Variants in RARB observed in about 807,000 individuals in gnomAD.
The protein encoded by RARB is HBV-activated protein.
RARB carries 17 observed loss-of-function variants against 51.9 expected under a neutral mutation model. That is an observed-to-expected ratio of 0.33 (90% CI 0.22 to 0.49). RARB has a LOEUF of 0.49. RARB is among the 20% of genes least tolerant of loss of function. The pLI is 0.99. For missense variants in RARB, 369 were observed against 550.8 expected (o/e 0.67, Z 3.30); for synonymous variants, 215 against 195.4 (o/e 1.10, Z -0.84).
intron 4 of RARB, among the ~76,000 whole-genome samples, chr3:25,154,058 A>G (rs902636572): frequency 2.0e-5 from 3 of 152,212 alleles, no homozygotes; most frequent in African/African-American, 7.2e-5. Context: ...CACTTTTATT[A>G]TGCTCATTCC....
intron 5 of RARB, among the ~76,000 whole-genome samples, chr3:25,303,368 A>T (rs1559350310): frequency 1.3e-5 from 2 of 152,194 alleles, no homozygotes; most frequent in Non-Finnish European, 2.9e-5. Flanking sequence ...TTGTCACAGG[A>T]CTTTCTGTTT....
intron 4 of RARB, among the ~76,000 whole-genome samples, chr3:25,164,222 G>A (rs1700524970): frequency 6.6e-6 from 1 of 152,208 alleles, no homozygotes. Flanking sequence ...GGATGGTCAA[G>A]TGATCTCACC....
chr3:25,173,851 A>G (rs1441844674), intron 4 of RARB, among the ~76,000 whole-genome samples: 1 of 152,212 alleles, frequency 6.6e-6, no homozygotes, highest in East Asian at 1.9e-4. Context: ...CCATGGAGAA[A>G]AATTTAGCAG....
intron 2 of RARB, among the ~76,000 whole-genome samples, chr3:24,999,398 C>G (rs546617544): frequency 5.3e-5 from 8 of 152,094 alleles, no homozygotes; most frequent in Non-Finnish European, 1.0e-4. Flanking sequence ...GGGGAGGATG[C>G]CTCAAAAGAC....
At chr3:25,137,746 T>C (rs935423352) in intron 4 of RARB, among the ~76,000 whole-genome samples, 2 of 152,114 alleles carry the variant, frequency 1.3e-5, no homozygotes, top group Admixed American at 6.6e-5. Context: ...AGAAGCCATA[T>C]ACTTACCCTG....
chr3:24,913,402 C>CTTTT (rs66779362), intron 2 of RARB, among the ~76,000 whole-genome samples: 41 of 108,382 alleles, frequency 3.8e-4, no homozygotes, highest in African/African-American at 7.2e-4. Context: ...CTCTCTCTCT[C>CTTTT]TTTTTTTTTT....
chr3:25,140,079 A>G (rs990531177), intron 4 of RARB, among the ~76,000 whole-genome samples: 1 of 141,816 alleles, frequency 7.1e-6, no homozygotes, highest in Non-Finnish European at 1.6e-5. Context: ...ATATACAAGG[A>G]CATGGTTTTT....
At chr3:25,517,715 C>G (rs1398658642) in intron 3 of RARB, among the ~76,000 whole-genome samples, 1 of 152,052 alleles carries the variant, frequency 6.6e-6, no homozygotes, top group Non-Finnish European at 1.5e-5. Context: ...AAGCATTATT[C>G]ATAATAGCAA....
intron 2 of RARB, among the ~76,000 whole-genome samples, chr3:24,955,427 C>T (rs981845625): frequency 5.9e-5 from 9 of 152,106 alleles, no homozygotes; most frequent in African/African-American, 1.7e-4. Flanking sequence ...GATAACTGTT[C>T]CCATTTAGGG....
At chr3:25,327,406 A>T (rs1162422819) in intron 5 of RARB, among the ~76,000 whole-genome samples, 9 of 152,180 alleles carry the variant, frequency 5.9e-5, no homozygotes, top group Admixed American at 5.9e-4. Context: ...AATCAAAGCA[A>T]TTGGAATCAG....
chr3:25,596,247 T>C (rs1701822424), intron 7 of RARB, among the ~76,000 whole-genome samples, 173 bp from the exon 8 acceptor site: 2 of 152,212 alleles, frequency 1.3e-5, no homozygotes, highest in African/African-American at 4.8e-5. Context: ...ATGAGTGTGA[T>C]AGTAATCGAT....
At position 25,575,401 on chromosome 3, in the gene RARB, A is replaced by G. The variant is rs546089981; in HGVS notation, c.610-5145A>G. 1.7e-3 allele frequency among the ~76,000 whole-genome samples: 266 copies of G among 152,284 alleles called. 1 individual carries two copies. Among genetic ancestry groups the G allele is most frequent in the African/African-American group, 6.3e-3 (263 of 41,574 alleles). On this transcript the variant is annotated intron_variant, in intron 4 of 7. Coordinates refer to ENST00000330688, the MANE Select transcript of RARB (RefSeq NM_000965.5). ...TGCATACCTACTGTGTTAGTTTCCT[A>G]GGGCTGCTGGAACAAAATAATACAA...
intron 2 of RARB, among the ~76,000 whole-genome samples, chr3:24,939,117 G>A (rs1335521177): frequency 6.6e-6 from 1 of 151,964 alleles, no homozygotes; most frequent in African/African-American, 2.4e-5. Flanking sequence ...TGAGTAGCTA[G>A]GATTACAGGC....
intron 4 of RARB, among the ~76,000 whole-genome samples, chr3:25,145,442 TTGAG>T (rs1700171252): frequency 2.0e-5 from 3 of 152,206 alleles, no homozygotes; most frequent in Non-Finnish European, 4.4e-5. Flanking sequence ...TCTGGGAACT[TTGAG>T]TGATTCTTAG....
intron 1 of RARB, among the ~76,000 whole-genome samples, chr3:25,453,229 G>T (rs1008586109): frequency 2.0e-5 from 3 of 149,972 alleles, no homozygotes. Context: ...TTCTGGGGTG[G>T]GGCCAAGATT....
chr3:24,829,996 T>C, intron 1 of RARB, among the ~76,000 whole-genome samples: 1 of 152,174 alleles, frequency 6.6e-6, no homozygotes, highest in East Asian at 1.9e-4. Flanking sequence ...AGAAAAAGTT[T>C]GAGCATTGGC....
At chr3:25,296,650 A>G (rs1213459248) in intron 5 of RARB, among the ~76,000 whole-genome samples, 1 of 152,160 alleles carries the variant, frequency 6.6e-6, no homozygotes, top group African/African-American at 2.4e-5. Context: ...GGAGGGGGAA[A>G]AAAACCCTCA....
intron 5 of RARB, among the ~76,000 whole-genome samples, chr3:25,415,264 T>G (rs539927268): frequency 4.6e-5 from 7 of 152,218 alleles, no homozygotes; most frequent in Non-Finnish European, 1.0e-4. Context: ...ATCTAAAAAA[T>G]CATTGCCTGA....
At chr3:25,374,241 C>T (rs981175456) in intron 5 of RARB, among the ~76,000 whole-genome samples, 5 of 152,000 alleles carry the variant, frequency 3.3e-5, no homozygotes, top group African/African-American at 9.7e-5. Context: ...AACCAGGTAC[C>T]AGGAAAGAGC....
Sources: gnomAD v4.1 joint callset for allele counts (sites outside exome capture counted in the v4.1 genomes callset) on GRCh38, gnomAD v4.1.1 for gene constraint, MANE v1.5 for transcripts, NCBI Gene and HGNC (gene_info 2026-07-23, HGNC 2026-07-21) for gene names.